The following DSG2 variants were observed in gnomAD, a reference collection of about 807,000 sequenced individuals.
DSG2 encodes desmoglein-2.
A neutral mutation model predicts 75.6 loss-of-function variants in DSG2; 45 were observed. The ratio of observed to expected loss-of-function variants is 0.60; its 90% CI spans 0.47 to 0.76. DSG2 has a LOEUF of 0.76. DSG2 is among the 30% of genes least tolerant of loss of function. The pLI is 0.00. For synonymous variants in DSG2, 429 were observed against 483.9 expected (o/e 0.89, Z 1.49); for missense variants, 1,267 against 1,357.4 (o/e 0.93, Z 1.05).
intron 9 of DSG2, among the ~76,000 whole-genome samples, chr18:31,532,801 GCTGT>G (rs2073206060): frequency 6.6e-6 from 1 of 152,176 alleles, no homozygotes; most frequent in South Asian, 2.1e-4. Flanking sequence ...ATTTTTCACT[GCTGT>G]CTATGGAGAA....
chr18:31,520,762 A>G (rs1466240430), intron 3 of DSG2, 41 bp from the exon 4 acceptor site: 4 of 1,603,098 alleles, frequency 2.5e-6, no homozygotes. Context: ...AGTAAATTAC[A>G]GAGAGTTCAA....
chr18:31,500,455 A>G (rs1322320685), intron 1 of DSG2, among the ~76,000 whole-genome samples: 1 of 152,146 alleles, frequency 6.6e-6, no homozygotes, highest in African/African-American at 2.4e-5. Flanking sequence ...GGATGCTTGT[A>G]CCTTGCCTCT....
chr18:31,548,782 GT>G lies in DSG2; in HGVS notation c.*2045del, dbSNP rs1192847201. 1 of 151,998 alleles carries G rather than the reference GT, an allele frequency of 6.6e-6. No individual in the cohort carries two copies. Among genetic ancestry groups the G allele is most frequent in the Non-Finnish European group, 1.5e-5 (1 of 67,974 alleles). The allele number at this position is 151,998 out of a possible 1,614,324, so 9.4% of individuals were successfully genotyped here. On this transcript the variant is annotated 3_prime_UTR_variant, in exon 15 of 15. Coordinates refer to ENST00000261590, the MANE Select transcript of DSG2 (RefSeq NM_001943.5). ...AGTGATTTGTATTAGTTTTACATTT[GT>G]TTTTTGGAAGATTATATTTGTATAT...
intron 1 of DSG2, among the ~76,000 whole-genome samples, chr18:31,502,490 C>G (rs1434939618): frequency 1.3e-5 from 2 of 152,214 alleles, no homozygotes; most frequent in East Asian, 3.8e-4. Context: ...TGGCTCACGC[C>G]TGTAATCCCA....
At chr18:31,530,657 G>A (rs927131796) in intron 8 of DSG2, among the ~76,000 whole-genome samples, 1 of 152,086 alleles carries the variant, frequency 6.6e-6, no homozygotes, top group African/African-American at 2.4e-5. Context: ...GGGCTCAAGT[G>A]ATCTACCTGC....
chr18:31,504,873 A>G (rs933213903), intron 1 of DSG2, among the ~76,000 whole-genome samples: 3 of 152,194 alleles, frequency 2.0e-5, no homozygotes, highest in South Asian at 2.1e-4. Context: ...CTCCTTCCCT[A>G]TTATCCCCAC....
intron 12 of DSG2, among the ~76,000 whole-genome samples, chr18:31,540,419 G>A (rs940301798): frequency 2.0e-5 from 3 of 152,202 alleles, no homozygotes; most frequent in African/African-American, 7.2e-5. Flanking sequence ...AGCTGGGACT[G>A]TATCTTTTGC....
chr18:31,524,582 AGTG>A lies in DSG2; in HGVS notation c.828_828+2del, dbSNP rs786204292. ...ACAATATACCTGTAGTAGAAAATAA[AGTG>A]GTAACTATTATTCTTCTAATAACTG... On this transcript the variant is annotated inframe_deletion and splice_region_variant, in exon 7 of 15. Coordinates refer to ENST00000261590, the MANE Select transcript of DSG2 (RefSeq NM_001943.5). 3.1e-6 allele frequency: 5 copies of A among 1,613,766 alleles called. No homozygotes were observed. Among genetic ancestry groups the A allele is most frequent in the Admixed American group, 1.7e-5 (1 of 60,024 alleles).
At chr18:31,517,082 T>A (rs952899123) in intron 1 of DSG2, among the ~76,000 whole-genome samples, 1 of 152,190 alleles carries the variant, frequency 6.6e-6, no homozygotes, top group African/African-American at 2.4e-5. Flanking sequence ...GGGAGATTAA[T>A]GAACTATAAG....
chr18:31,541,477 T>C (rs746674007), intron 13 of DSG2, among the ~76,000 whole-genome samples, 163 bp downstream of exon 13: 13 of 152,204 alleles, frequency 8.5e-5, no homozygotes, highest in Non-Finnish European at 1.6e-4. Context: ...ATATTTTGTG[T>C]TTGTTGCTGG....
In DSG2 at chr18:31,546,289, ATG is replaced by A; in HGVS notation, c.2904_2905del (p.Ala969SerfsTer12). 6.2e-7 allele frequency: 1 copy of A among 1,602,744 alleles called. No homozygotes were observed. Among genetic ancestry groups the A allele is most frequent in the Non-Finnish European group, 8.5e-7 (1 of 1,173,486 alleles). On this transcript the variant is annotated frameshift_variant, in exon 15 of 15. Transcript: ENST00000261590. LOFTEE classifies it low-confidence loss of function (END_TRUNC). Reference sequence around the variant, plus strand: ...AGCCTTATTGTGACAGAGAGGGTGTATGCTCCAGCTTCTACCTTGGTAGATCA... The same window carrying A: ...AGCCTTATTGTGACAGAGAGGGTGTACTCCAGCTTCTACCTTGGTAGATCA...
intron 1 of DSG2, among the ~76,000 whole-genome samples, chr18:31,515,151 A>G (rs1405302824): frequency 6.6e-6 from 1 of 152,106 alleles, no homozygotes; most frequent in Admixed American, 6.6e-5. Flanking sequence ...CGCCCAGACT[A>G]GAGTGCAGTG....
chr18:31,518,126 G>C, intron 1 of DSG2, 113 bp from the exon 2 acceptor site: 1 of 873,052 alleles, frequency 1.1e-6, no homozygotes, highest in South Asian at 1.5e-5. Flanking sequence ...AGTAGTAGTG[G>C]TTAAACTTTT....
intron 1 of DSG2, among the ~76,000 whole-genome samples, chr18:31,515,925 A>G (rs2704050): frequency 0.5 from 75,831 of 152,086 alleles, 19,395 homozygotes; most frequent in African/African-American, 0.61. Context: ...CCCATGATGT[A>G]CCAACTAGGG....
At chr18:31,504,629 T>C (rs533459330) in intron 1 of DSG2, among the ~76,000 whole-genome samples, 2 of 152,240 alleles carry the variant, frequency 1.3e-5, no homozygotes, top group African/African-American at 4.8e-5. Context: ...ACAATGGCAG[T>C]GGCCAAGAGG....
chr18:31,508,120 G>A (rs1055583318), intron 1 of DSG2, among the ~76,000 whole-genome samples: 9 of 152,058 alleles, frequency 5.9e-5, no homozygotes, highest in Admixed American at 1.3e-4. Flanking sequence ...GTAAGGAAGG[G>A]GTCCAGTTTC....
intron 12 of DSG2, among the ~76,000 whole-genome samples, chr18:31,540,891 T>G: frequency 6.6e-6 from 1 of 152,192 alleles, no homozygotes; most frequent in East Asian, 1.9e-4. Context: ...TTAAGCTGGT[T>G]TTGATGATTT....
intron 6 of DSG2, 32 bp from the exon 7 acceptor site, chr18:31,524,416 C>T (rs776886214): frequency 9.9e-6 from 16 of 1,613,892 alleles, no homozygotes; most frequent in Non-Finnish European, 1.4e-5. Flanking sequence ...TGACTCTTTT[C>T]ACCCAGCTGG....
In DSG2 at chr18:31,538,869, T is replaced by C; in HGVS notation, c.1770T>C (p.Val590=). The change falls in exon 12 of 15, where the codon GTT becomes GTC. Residue 590 remains valine, a synonymous_variant. Coordinates refer to ENST00000261590, the MANE Select transcript of DSG2 (RefSeq NM_001943.5). ...CPEKQVLTLT[V]CECLHGSGCR... ...AAAAGCAGGTCCTTACACTCACAGT[T>C]TGTGAGTGTCTGCATGGCAGCGGCT... 1 of 1,614,004 alleles carries C rather than the reference T, an allele frequency of 6.2e-7. No homozygotes were observed. The highest frequency in any genetic ancestry group is 8.5e-7 in the Non-Finnish European group (1 of 1,179,902).
Sources: allele counts gnomAD v4.1 joint callset (sites outside exome capture counted in the v4.1 genomes callset), GRCh38; gene constraint gnomAD v4.1.1; transcripts MANE v1.5; gene names NCBI Gene and HGNC (gene_info 2026-07-23, HGNC 2026-07-21).